Variants in EPS15 observed in about 807,000 individuals in gnomAD.
EPS15 encodes the protein epidermal growth factor receptor substrate 15.
A neutral mutation model predicts 113.8 loss-of-function variants in EPS15; 72 were observed. The ratio of observed to expected loss-of-function variants is 0.63; its 90% CI spans 0.52 to 0.77. The LOEUF (loss-of-function observed/expected upper bound fraction) is 0.77, where lower values mean the gene tolerates loss of function less well. EPS15 is among the 30% of genes least tolerant of loss of function. The probability of loss-of-function intolerance (pLI) is 0.00; values close to 1 mark genes in which losing one functional copy is unlikely to be tolerated. For missense variants in EPS15, 1,048 were observed against 1,045.8 expected (o/e 1.00, Z -0.03); for synonymous variants, 344 against 363.4 (o/e 0.95, Z 0.61).
chr1:51,488,940 G>T (rs574821278), intron 1 of EPS15, among the ~76,000 whole-genome samples: 1 of 152,230 alleles, frequency 6.6e-6, no homozygotes, highest in South Asian at 2.1e-4. Context: ...CTAGAATACA[G>T]ATATAGTGAC....
chr1:51,448,742 T>C (rs1653282465), intron 8 of EPS15, among the ~76,000 whole-genome samples: 2 of 152,080 alleles, frequency 1.3e-5, no homozygotes, highest in Admixed American at 1.3e-4. Flanking sequence ...CCCCAAAACA[T>C]TCCACTTTGG....
intron 24 of EPS15, among the ~76,000 whole-genome samples, chr1:51,360,003 C>T (rs1024157081): frequency 3.9e-5 from 6 of 151,990 alleles, no homozygotes; most frequent in African/African-American, 1.5e-4. Flanking sequence ...CCTCAGCCCC[C>T]CAAGTAGCTG....
intron 11 of EPS15, among the ~76,000 whole-genome samples, chr1:51,441,528 G>C (rs552844469): frequency 6.6e-6 from 1 of 152,074 alleles, no homozygotes; most frequent in Non-Finnish European, 1.5e-5. Context: ...TTATATAACA[G>C]AACATAAGAC....
At chr1:51,420,600 A>C (rs941263851) in intron 13 of EPS15, among the ~76,000 whole-genome samples, 1 of 152,178 alleles carries the variant, frequency 6.6e-6, no homozygotes, top group Admixed American at 6.6e-5. Flanking sequence ...AAACTGCACA[A>C]AATAATGTAA....
At chr1:51,475,918 C>T (rs575217367) in intron 2 of EPS15, among the ~76,000 whole-genome samples, 1 of 152,280 alleles carries the variant, frequency 6.6e-6, no homozygotes, top group Admixed American at 6.5e-5. Context: ...GTTTTCCCAG[C>T]ACCATTTATT....
chr1:51,381,161 C>T (rs181169553), intron 21 of EPS15, among the ~76,000 whole-genome samples: 1 of 152,164 alleles, frequency 6.6e-6, no homozygotes, highest in African/African-American at 2.4e-5. Flanking sequence ...CTGGACCTAA[C>T]AGATATATAC....
chr1:51,383,731 G>A lies in EPS15; in HGVS notation c.2119+10650C>T, dbSNP rs542621758. On this transcript the variant is annotated intron_variant, in intron 21 of 24. Coordinates refer to ENST00000371733, the MANE Select transcript of EPS15 (RefSeq NM_001981.3). ...TGGGGATCCCTGCAATATAGTAGTG[G>A]AAGTCCTAGCCAAAGCACTTAGGCA... 8.9e-4 allele frequency among the ~76,000 whole-genome samples: 136 copies of A among 152,278 alleles called. 1 individual carries two copies. The highest frequency in any genetic ancestry group is 3.2e-3 in the African/African-American group (132 of 41,558).
At position 51,384,328 on chromosome 1, in the gene EPS15, T is replaced by C. The variant is rs1168177620; in HGVS notation, c.2119+10053A>G. On this transcript the variant is annotated intron_variant, in intron 21 of 24. Coordinates refer to ENST00000371733, the MANE Select transcript of EPS15 (RefSeq NM_001981.3). The stretch of plus-strand genomic sequence containing the variant: ...TTTTTTTTTTTTTTTTGAGACAGGG[T>C]CTGGTTCTGTCACCCAGGCTACAGT... Among the ~76,000 whole-genome samples the C allele has an allele frequency of 1.7e-4, 21 of 122,788 alleles. No homozygotes were observed. In the East Asian group the frequency reaches 5.9e-3, roughly 35 times the overall value. 80.6% of individuals were successfully genotyped at this position (122,788 alleles called of 152,430 possible). A position where few individuals can be genotyped will look rare whatever the true frequency, so the allele number is the denominator to read the frequency against.
At chr1:51,472,388 T>C (rs1234008539) in intron 3 of EPS15, among the ~76,000 whole-genome samples, 1 of 152,244 alleles carries the variant, frequency 6.6e-6, no homozygotes, top group Non-Finnish European at 1.5e-5. Context: ...TAAATTATTG[T>C]GATTATTTTT....
chr1:51,365,891 A>G (rs539485335), intron 22 of EPS15, 62 bp downstream of exon 22: 297 of 1,112,244 alleles, frequency 2.7e-4, no homozygotes, highest in Non-Finnish European at 3.4e-4. Context: ...AATTGAAAGG[A>G]GGATTGTTCT....
rs532487217 is a variant in EPS15, at chr1:51,425,729, C to G, written c.1041-3871G>C. Reference sequence around the variant, plus strand: ...TTCTCACTCTGATCAGGTCACTTAACCTTTCAGAACCCTAGTCTTATTTTT... The same window carrying G: ...TTCTCACTCTGATCAGGTCACTTAAGCTTTCAGAACCCTAGTCTTATTTTT... On this transcript the variant is annotated intron_variant, in intron 12 of 24. Transcript: ENST00000371733. Among the ~76,000 whole-genome samples the G allele has an allele frequency of 9.5e-4, 145 of 152,292 alleles. 1 individual carries two copies. The highest frequency in any genetic ancestry group is 3.4e-3 in the African/African-American group (140 of 41,564).
chr1:51,491,884 A>T (rs1644240570), intron 1 of EPS15, among the ~76,000 whole-genome samples: 1 of 134,286 alleles, frequency 7.4e-6, no homozygotes, highest in Non-Finnish European at 1.5e-5. Flanking sequence ...TTTTTTTGAG[A>T]CAGAGTGTTG....
At chr1:51,387,841 A>G (rs1197256811) in intron 21 of EPS15, among the ~76,000 whole-genome samples, 1 of 152,232 alleles carries the variant, frequency 6.6e-6, no homozygotes, top group Admixed American at 6.5e-5. Flanking sequence ...AGACCTACAA[A>G]GAGACTTAGA....
chr1:51,399,254 TA>T, intron 19 of EPS15, 89 bp from the exon 20 acceptor site: 3 of 1,268,928 alleles, frequency 2.4e-6, no homozygotes, highest in Non-Finnish European at 3.3e-6. Flanking sequence ...GTGCCTTAAT[TA>T]AAAGACAGTC....
chr1:51,366,491 C>A (rs1335556717), intron 21 of EPS15, among the ~76,000 whole-genome samples: 5 of 152,114 alleles, frequency 3.3e-5, no homozygotes, highest in Non-Finnish European at 7.3e-5. Context: ...ATACTGATAA[C>A]CCCACAAGAT....
At chr1:51,357,821 C>T (rs1358290397) in intron 24 of EPS15, among the ~76,000 whole-genome samples, 1 of 150,454 alleles carries the variant, frequency 6.6e-6, no homozygotes, top group Non-Finnish European at 1.5e-5. Context: ...CTCACCACAA[C>T]CTCCGCCTCC....
intron 1 of EPS15, among the ~76,000 whole-genome samples, chr1:51,488,486 A>AAACAAAAAAAAAAC (rs1644167328): frequency 1.3e-5 from 2 of 150,568 alleles, no homozygotes; most frequent in African/African-American, 4.9e-5. Flanking sequence ...AAAAAAAAAA[A>AAACAAAAAAAAAAC]AAAAAAAAAA....
intron 13 of EPS15, among the ~76,000 whole-genome samples, chr1:51,418,498 A>AG (rs1239788542): frequency 1.3e-5 from 2 of 152,102 alleles, no homozygotes; most frequent in South Asian, 2.1e-4. Context: ...AAAGATAGGA[A>AG]GGGGGGGAAA....
At chr1:51,501,571 C>T (rs1164041477) in intron 1 of EPS15, among the ~76,000 whole-genome samples, 1 of 151,060 alleles carries the variant, frequency 6.6e-6, no homozygotes, top group East Asian at 2.0e-4. Flanking sequence ...CCTCGCCTCC[C>T]GGGTTCAAGC....
Sources: gnomAD v4.1 joint callset for allele counts (sites outside exome capture counted in the v4.1 genomes callset) on GRCh38, gnomAD v4.1.1 for gene constraint, MANE v1.5 for transcripts, NCBI Gene and HGNC (gene_info 2026-07-23, HGNC 2026-07-21) for gene names.